The following CNIH3 variants were observed in gnomAD, a reference collection of about 807,000 sequenced individuals.
CNIH3 encodes the protein protein cornichon homolog 3.
CNIH3 carries 14 observed loss-of-function variants against 24.1 expected under a neutral mutation model. That is an observed-to-expected ratio of 0.58 (90% CI 0.38 to 0.91). CNIH3 has a LOEUF of 0.91. CNIH3 is among the 40% of genes least tolerant of loss of function. CNIH3 has a pLI of 0.00. For synonymous variants in CNIH3, 68 were observed against 73.8 expected, an observed-to-expected ratio of 0.92 and a Z score of 0.40; for missense variants, 178 against 196.8, an observed-to-expected ratio of 0.90 and a Z score of 0.57.
chr1:224,602,838 G>T (rs1682260442), intron 3 of CNIH3, among the ~76,000 whole-genome samples: 1 of 152,182 alleles, frequency 6.6e-6, no homozygotes, highest in African/African-American at 2.4e-5. Flanking sequence ...GGCAGATAAA[G>T]GCTGGTTAGT....
intron 3 of CNIH3, among the ~76,000 whole-genome samples, chr1:224,599,187 G>A (rs1308150978): frequency 2.0e-5 from 3 of 152,146 alleles, no homozygotes; most frequent in Non-Finnish European, 4.4e-5. Flanking sequence ...TCTGCAATAT[G>A]AAATGGGCTC....
At chr1:224,449,549 G>T (rs1319599309) in intron 1 of CNIH3, among the ~76,000 whole-genome samples, 1 of 152,046 alleles carries the variant, frequency 6.6e-6, no homozygotes, top group Admixed American at 6.6e-5. Flanking sequence ...AGGCTGGAGT[G>T]CAGTGGGGCA....
intron 3 of CNIH3, among the ~76,000 whole-genome samples, chr1:224,550,080 G>A (rs1679853899): frequency 6.6e-6 from 1 of 151,944 alleles, no homozygotes. Context: ...TAATGTCACA[G>A]TGTGACAACT....
intron 1 of CNIH3, chr1:224,661,675 C>T (rs916914940): frequency 5.7e-5 from 13 of 226,252 alleles, no homozygotes; most frequent in Admixed American, 1.8e-4. Context: ...CCATTTAATC[C>T]TCCTTCTGGT....
At chr1:224,630,552 C>T (rs1023050863) in intron 1 of CNIH3, among the ~76,000 whole-genome samples, 5 of 151,516 alleles carry the variant, frequency 3.3e-5, no homozygotes, top group African/African-American at 4.8e-5. Context: ...GCACATCCCA[C>T]ACTTACCTGG....
chr1:224,525,881 G>C (rs1422825911), intron 2 of CNIH3, among the ~76,000 whole-genome samples: 2 of 152,126 alleles, frequency 1.3e-5, no homozygotes, highest in Non-Finnish European at 2.9e-5. Context: ...AGACAGAGAT[G>C]CTCTAAGGAG....
At chr1:224,709,897 T>C (rs1239867927) in intron 3 of CNIH3, among the ~76,000 whole-genome samples, 1 of 152,188 alleles carries the variant, frequency 6.6e-6, no homozygotes, top group Non-Finnish European at 1.5e-5. Context: ...AGTACCAAGC[T>C]GCGGTATATC....
intron 1 of CNIH3, among the ~76,000 whole-genome samples, chr1:224,646,861 G>A (rs1410427250): frequency 6.6e-6 from 1 of 152,180 alleles, no homozygotes; most frequent in Non-Finnish European, 1.5e-5. Context: ...TCCAGTGTGT[G>A]ACATTTTATG....
At chr1:224,713,474 T>C (rs576066938) in intron 3 of CNIH3, among the ~76,000 whole-genome samples, 69 of 152,306 alleles carry the variant, frequency 4.5e-4, no homozygotes, top group African/African-American at 1.7e-3. Flanking sequence ...CAGTCCTGTT[T>C]GAGTCACTAA....
Position 224,684,667 on chromosome 1 carries a change from G to A in CNIH3, c.151-129G>A, listed in dbSNP as rs1341370301. 7.7e-6 allele frequency: 6 copies of A among 777,152 alleles called. No individual in the cohort carries two copies. The highest frequency in any genetic ancestry group is 5.8e-5 in the Admixed American group (3 of 51,994). The allele number at this position is 777,152 out of a possible 1,614,324, so 48.1% of individuals were successfully genotyped here. On this transcript the variant is annotated intron_variant, in intron 2 of 5. Transcript: ENST00000272133. The surrounding 1 kb of genome is among the most constrained non-coding windows in gnomAD (Gnocchi z 4.2). Reference sequence around the variant, plus strand: ...AAAGCCACTGGGTGGGAGCATGCTGGCCATGTGCCCAGGAGGGGTCTCTGG... The same window carrying A: ...AAAGCCACTGGGTGGGAGCATGCTGACCATGTGCCCAGGAGGGGTCTCTGG...
chr1:224,639,484 A>G (rs1684251472), intron 1 of CNIH3, among the ~76,000 whole-genome samples: 1 of 152,264 alleles, frequency 6.6e-6, no homozygotes, highest in Non-Finnish European at 1.5e-5. Context: ...AAAGTAAAGG[A>G]ACAGCGTGAT....
At chr1:224,444,545 T>C (rs1011854506) in intron 1 of CNIH3, among the ~76,000 whole-genome samples, 6 of 152,010 alleles carry the variant, frequency 3.9e-5, no homozygotes, top group Non-Finnish European at 7.4e-5. Context: ...AGGCGGGGTT[T>C]CACCATATTG....
At chr1:224,474,028 A>C (rs1379645890) in intron 1 of CNIH3, among the ~76,000 whole-genome samples, 2 of 152,214 alleles carry the variant, frequency 1.3e-5, no homozygotes, top group Non-Finnish European at 2.9e-5. Flanking sequence ...GAAATTACAC[A>C]GTATGTTCCT....
chr1:224,559,849 T>C (rs1680290827), intron 3 of CNIH3, among the ~76,000 whole-genome samples: 1 of 152,158 alleles, frequency 6.6e-6, no homozygotes, highest in Admixed American at 6.5e-5. Context: ...AGTTATACTC[T>C]TTCCCTCTCC....
At position 224,630,200 on chromosome 1, in the gene CNIH3, T is replaced by A. The variant is rs538500380; in HGVS notation, c.81+12945T>A. Among the ~76,000 whole-genome samples the A allele has an allele frequency of 5.3e-5, 8 of 152,300 alleles. No individual in the cohort carries two copies. In the East Asian group the frequency reaches 1.6e-3, roughly 30 times the overall value. The stretch of plus-strand genomic sequence containing the variant: ...TTGCCAAGAATTTTGTTATTGTTCA[T>A]TAAAACCTTATTTGCATTTCTGCTC... On this transcript the variant is annotated intron_variant, in intron 1 of 5. Transcript: ENST00000272133.
chr1:224,561,563 C>T lies in CNIH3; in HGVS notation n.451-4636C>T, dbSNP rs114764189. On this transcript the variant is annotated intron_variant and non_coding_transcript_variant, in intron 3 of 5. Coordinates refer to the CNIH3 transcript ENST00000471578. ...GTACTAAAGCTGGGCCAATTCTGCT[C>T]GATGTGGCCTCTTCTAATGGGAACC... Among the ~76,000 whole-genome samples the T allele has an allele frequency of 2.7e-3, 404 of 152,318 alleles. 1 individual carries two copies. Among genetic ancestry groups the T allele is most frequent in the Non-Finnish European group, 3.9e-3 (264 of 68,022 alleles).
At chr1:224,679,369 A>G (rs757483133) in intron 1 of CNIH3, among the ~76,000 whole-genome samples, 2 of 152,182 alleles carry the variant, frequency 1.3e-5, no homozygotes, top group Non-Finnish European at 2.9e-5. Context: ...AAACTAAAAA[A>G]CAAACCAAAA....
At chr1:224,510,816 C>T (rs1217467359) in intron 1 of CNIH3, among the ~76,000 whole-genome samples, 1 of 152,066 alleles carries the variant, frequency 6.6e-6, no homozygotes, top group East Asian at 1.9e-4. Context: ...TGGCTCAGCA[C>T]ACACCAGGCC....
chr1:224,627,845 G>A (rs1032280133), intron 1 of CNIH3, among the ~76,000 whole-genome samples: 2 of 152,078 alleles, frequency 1.3e-5, no homozygotes, highest in East Asian at 1.9e-4. Context: ...ATGGGCCTTG[G>A]CACTCCTGCT....
Sources: allele counts gnomAD v4.1 joint callset (sites outside exome capture counted in the v4.1 genomes callset), GRCh38; gene constraint gnomAD v4.1.1; non-coding constraint Gnocchi (gnomAD v3.1); transcripts MANE v1.5; gene names NCBI Gene and HGNC (gene_info 2026-07-23, HGNC 2026-07-21).